Variants in ZFHX3 observed in about 807,000 individuals in gnomAD.
ZFHX3 encodes the protein zinc finger homeobox 3.
A neutral mutation model predicts 279.1 loss-of-function variants in ZFHX3; 42 were observed. The observed-to-expected ratio is 0.15, with a 90% confidence interval of 0.12 to 0.19. ZFHX3 has a LOEUF of 0.19. Ranked by LOEUF, ZFHX3 falls within the 10% of genes least tolerant of loss-of-function variation. ZFHX3 has a pLI of 1.00. For synonymous variants in ZFHX3, 2,293 were observed against 1,957.8 expected (o/e 1.17, Z -4.52); for missense variants, 4,981 against 4,754.0 (o/e 1.05, Z -1.40).
intron 2 of ZFHX3, among the ~76,000 whole-genome samples, chr16:73,647,504 C>CT (rs2142162224): frequency 6.6e-6 from 1 of 152,294 alleles, no homozygotes; most frequent in Admixed American, 6.5e-5. Context: ...CTTAAGACAT[C>CT]TTTCACCTTC....
intron 1 of ZFHX3, among the ~76,000 whole-genome samples, chr16:73,871,093 G>A (rs1962150555): frequency 6.6e-6 from 1 of 152,136 alleles, no homozygotes; most frequent in Admixed American, 6.5e-5. Flanking sequence ...AATCAATAGT[G>A]TTTACAAGTT....
chr16:73,133,218 G>T (rs1291798740), intron 6 of ZFHX3, among the ~76,000 whole-genome samples: 1 of 152,158 alleles, frequency 6.6e-6, no homozygotes, highest in African/African-American at 2.4e-5. Flanking sequence ...TTAGAGATAA[G>T]ACCTTTAAAG....
chr16:73,693,412 G>C (rs1050137231), intron 1 of ZFHX3, among the ~76,000 whole-genome samples: 2 of 152,024 alleles, frequency 1.3e-5, no homozygotes, highest in African/African-American at 4.8e-5. Context: ...ATTTATAGAA[G>C]ATTCACTTTG....
intron 2 of ZFHX3, among the ~76,000 whole-genome samples, chr16:73,524,978 A>C (rs547030884): frequency 2.1e-4 from 32 of 152,298 alleles, no homozygotes; most frequent in African/African-American, 7.5e-4. Context: ...TGGTCACGTA[A>C]GAAGGACTGT....
chr16:73,683,897 A>G (rs1246660579), intron 1 of ZFHX3, among the ~76,000 whole-genome samples: 1 of 152,232 alleles, frequency 6.6e-6, no homozygotes, highest in Non-Finnish European at 1.5e-5. Flanking sequence ...AGGGCCATGT[A>G]GTAATATTTC....
intron 5 of ZFHX3, among the ~76,000 whole-genome samples, chr16:72,823,954 A>G (rs988141799): frequency 4.6e-5 from 7 of 151,550 alleles, no homozygotes; most frequent in Non-Finnish European, 1.0e-4. Flanking sequence ...TGGAAAAACG[A>G]AAAAAAAAGT....
chr16:72,899,907 A>AC (rs1193810039), intron 3 of ZFHX3, among the ~76,000 whole-genome samples: 1 of 152,022 alleles, frequency 6.6e-6, no homozygotes, highest in Non-Finnish European at 1.5e-5. Flanking sequence ...TACTGAACAT[A>AC]CCTATTTGTT....
chr16:73,750,606 A>G (rs1443868021), intron 1 of ZFHX3, among the ~76,000 whole-genome samples: 2 of 152,168 alleles, frequency 1.3e-5, no homozygotes, highest in Non-Finnish European at 2.9e-5. Context: ...CCTGGATGGG[A>G]GTAATCAAGA....
chr16:73,729,236 C>T (rs955097730), intron 1 of ZFHX3, among the ~76,000 whole-genome samples: 56 of 152,150 alleles, frequency 3.7e-4, no homozygotes, highest in Non-Finnish European at 7.3e-5. Context: ...TTACAACACA[C>T]CTGGGCCGGC....
chr16:73,429,905 C>T (rs543583225), intron 3 of ZFHX3, among the ~76,000 whole-genome samples: 3 of 151,576 alleles, frequency 2.0e-5, no homozygotes, highest in East Asian at 2.0e-4. Context: ...TCTGTTGGTT[C>T]GAGACAGGGC....
chr16:72,860,574 G>T (rs990192339), intron 4 of ZFHX3, among the ~76,000 whole-genome samples: 1 of 152,170 alleles, frequency 6.6e-6, no homozygotes, highest in Non-Finnish European at 1.5e-5. Context: ...GGGACTACAG[G>T]CATGCACCAC....
chr16:73,145,093 T>C (rs1966857377), intron 5 of ZFHX3, among the ~76,000 whole-genome samples: 1 of 152,244 alleles, frequency 6.6e-6, no homozygotes. Flanking sequence ...TTGTACATCG[T>C]CCTGTGGTGA....
intron 7 of ZFHX3, among the ~76,000 whole-genome samples, chr16:73,105,322 T>TAC (rs200244376): frequency 6.2e-5 from 8 of 129,222 alleles, no homozygotes; most frequent in Non-Finnish European, 1.0e-4. Context: ...TACACACACA[T>TAC]ACACACACAC....
chr16:73,782,135 T>C (rs328331), intron 1 of ZFHX3, among the ~76,000 whole-genome samples: 79,992 of 152,150 alleles, frequency 0.53, 24,324 homozygotes, highest in African/African-American at 0.85. Context: ...GTGCTTTAGA[T>C]GCTCAGCTGG....
chr16:73,171,446 G>A (rs1967520802), intron 5 of ZFHX3, among the ~76,000 whole-genome samples: 2 of 130,688 alleles, frequency 1.5e-5, no homozygotes, highest in African/African-American at 5.7e-5. Context: ...TACAGTGAAT[G>A]TGTAAATCCA....
chr16:73,141,729 C>T (rs1367253306), intron 6 of ZFHX3, among the ~76,000 whole-genome samples: 1 of 152,132 alleles, frequency 6.6e-6, no homozygotes, highest in Non-Finnish European at 1.5e-5. Flanking sequence ...TTAATCCTAC[C>T]ACCCTCCCTT....
chr16:73,693,455 G>C (rs892325038), intron 1 of ZFHX3, among the ~76,000 whole-genome samples: 2 of 151,992 alleles, frequency 1.3e-5, no homozygotes, highest in African/African-American at 4.8e-5. Context: ...CAAGACATTT[G>C]CGTTTGAGCT....
intron 2 of ZFHX3, among the ~76,000 whole-genome samples, chr16:73,675,925 G>T (rs1480204891): frequency 6.6e-6 from 1 of 151,938 alleles, no homozygotes; most frequent in African/African-American, 2.4e-5. Context: ...ATTTTGAGGG[G>T]AAATGGTACA....
chr16:73,687,626 G>A (rs1364836588), intron 1 of ZFHX3, among the ~76,000 whole-genome samples: 1 of 150,972 alleles, frequency 6.6e-6, no homozygotes, highest in African/African-American at 2.4e-5. Flanking sequence ...GGTGGATCAC[G>A]AGGTCAAGAG....
Sources: gnomAD v4.1 joint callset for allele counts (sites outside exome capture counted in the v4.1 genomes callset) on GRCh38, gnomAD v4.1.1 for gene constraint, MANE v1.5 for transcripts, NCBI Gene and HGNC (gene_info 2026-07-23, HGNC 2026-07-21) for gene names.